The following CPAMD8 variants were observed in gnomAD, a reference collection of about 807,000 sequenced individuals.
CPAMD8 encodes the protein C3 and PZP-like alpha-2-macroglobulin domain-containing protein 8.
In CPAMD8, 146 loss-of-function variants were observed where a neutral mutation model predicts 224.7. The observed-to-expected ratio is 0.65, with a 90% CI of 0.57 to 0.75. CPAMD8 has a LOEUF of 0.75. CPAMD8 is among the 30% of genes least tolerant of loss of function. The pLI is 0.00. For synonymous variants in CPAMD8, 966 were observed against 1,044.6 expected (o/e 0.92, Z 1.45); for missense variants, 2,301 against 2,537.5 (o/e 0.91, Z 2.00).
At chr19:16,951,247 C>G (rs1252215680) in intron 20 of CPAMD8, among the ~76,000 whole-genome samples, 1 of 152,114 alleles carries the variant, frequency 6.6e-6, no homozygotes, top group Non-Finnish European at 1.5e-5. Context: ...ACCAGGATTT[C>G]CTGGTACTTT....
At position 16,898,035 on chromosome 19, in the gene CPAMD8, A is replaced by T. The variant is rs748001070; in HGVS notation, c.4849-41T>A. 1.4e-6 allele frequency: 2 copies of T among 1,477,626 alleles called. No homozygotes were observed. The highest frequency in any genetic ancestry group is 1.8e-6 in the Non-Finnish European group (2 of 1,082,978). 91.5% of individuals were successfully genotyped at this position (1,477,626 alleles called of 1,614,324 possible). A position where few individuals can be genotyped will look rare whatever the true frequency, so the allele number is the denominator to read the frequency against. ...GGGCGCAGGCTCGACCCGGGCCAGGAGGCCCGGGGCGCTGAGCTCAGGCCC... is the reference window on the plus strand; with the variant it reads ...GGGCGCAGGCTCGACCCGGGCCAGGTGGCCCGGGGCGCTGAGCTCAGGCCC... On this transcript the variant is annotated intron_variant, in intron 37 of 41. Transcript: ENST00000443236. The surrounding 1 kb of genome is among the most constrained non-coding windows in gnomAD (Gnocchi z 4.2).
At chr19:16,920,404 C>A (rs1342944692) in intron 27 of CPAMD8, among the ~76,000 whole-genome samples, 1 of 151,682 alleles carries the variant, frequency 6.6e-6, no homozygotes, top group Non-Finnish European at 1.5e-5. Flanking sequence ...GGCGTGAACC[C>A]AGGGGGCGGA....
intron 3 of CPAMD8, among the ~76,000 whole-genome samples, chr19:17,018,926 A>G (rs897332620): frequency 6.6e-6 from 1 of 151,466 alleles, no homozygotes; most frequent in African/African-American, 2.4e-5. Flanking sequence ...AAAAGAAAAA[A>G]AAAACCACTG....
At chr19:17,013,983 CCTA>C (rs145442042) in intron 3 of CPAMD8, among the ~76,000 whole-genome samples, 24,296 of 145,662 alleles carry the variant, frequency 0.17, 2,670 homozygotes, top group South Asian at 0.34. Context: ...TTCCATCCTT[CCTA>C]CACTACACAT....
chr19:16,958,918 G>A (rs2054560396), intron 18 of CPAMD8, among the ~76,000 whole-genome samples: 2 of 150,800 alleles, frequency 1.3e-5, no homozygotes, highest in Admixed American at 1.3e-4. Flanking sequence ...TCCAGCCTCA[G>A]CCTCCCGAGT....
At chr19:16,896,691 AC>A (rs776490520) in intron 39 of CPAMD8, 26 bp from the exon 40 acceptor site, 17 of 1,373,628 alleles carry the variant, frequency 1.2e-5, no homozygotes, top group Admixed American at 5.9e-5. Flanking sequence ...GGCTCGACAG[AC>A]CCCCCACCCT....
chr19:16,946,101 ATG>A (rs889543093), intron 21 of CPAMD8, among the ~76,000 whole-genome samples: 2 of 150,776 alleles, frequency 1.3e-5, no homozygotes, highest in Non-Finnish European at 3.0e-5. Context: ...GCATGTGTGT[ATG>A]TGTGTGCATG....
Position 16,976,819 on chromosome 19 carries a change from A to C in CPAMD8, c.1758+549T>G, listed in dbSNP as rs146788975. 9.8e-4 allele frequency among the ~76,000 whole-genome samples: 149 copies of C among 152,116 alleles called. 3 individuals carry two copies. The highest frequency in any genetic ancestry group is 3.5e-3 in the African/African-American group (147 of 41,410). The stretch of plus-strand genomic sequence containing the variant: ...CACTTCGGGAGGCTGAAGCATGTGG[A>C]TCACTTGAGGCCAGGAGTTCAAGAC... On this transcript the variant is annotated intron_variant, in intron 15 of 41. Transcript: ENST00000443236.
chr19:17,000,803 C>T (rs142411062), intron 9 of CPAMD8, among the ~76,000 whole-genome samples: 37 of 152,328 alleles, frequency 2.4e-4, no homozygotes, highest in Middle Eastern at 3.4e-3. Context: ...GTTGGTGCCA[C>T]CTCTGGAGCA....
At chr19:16,929,421 G>A (rs1034969447) in intron 23 of CPAMD8, among the ~76,000 whole-genome samples, 181 bp from the exon 24 acceptor site, 4 of 152,220 alleles carry the variant, frequency 2.6e-5, no homozygotes, top group Non-Finnish European at 4.4e-5. Flanking sequence ...AAGATAAAAT[G>A]GGACTGGGCA....
At chr19:16,920,023 G>A (rs574083507) in intron 27 of CPAMD8, among the ~76,000 whole-genome samples, 1 of 152,324 alleles carries the variant, frequency 6.6e-6, no homozygotes, top group Admixed American at 6.5e-5. Flanking sequence ...ACAGAGCTGA[G>A]GTTTGTCCAG....
intron 12 of CPAMD8, among the ~76,000 whole-genome samples, chr19:16,992,316 T>C (rs1160382864): frequency 6.6e-6 from 1 of 152,152 alleles, no homozygotes; most frequent in East Asian, 1.9e-4. Flanking sequence ...AGGCCAGACA[T>C]GGCAGCTCAT....
At position 16,970,981 on chromosome 19, in the gene CPAMD8, T is replaced by C. The variant is rs1449521768; in HGVS notation, c.2123A>G (p.Asp708Gly). 6.2e-7 allele frequency: 1 copy of C among 1,613,048 alleles called. No homozygotes were observed. Among genetic ancestry groups the C allele is most frequent in the Non-Finnish European group, 8.5e-7 (1 of 1,179,402 alleles). ...TDRVSLNHRQDGGLYTDEAVP... is the reference protein window; with the variant it reads ...TDRVSLNHRQGGGLYTDEAVP... ...AGCCTCATCGGTGTAGAGGCCACCG[T>C]CCTGCCGGTGGTTCAGGCTCACTCG... The change falls in exon 18 of 42, where the codon GAC (aspartate) becomes GGC (glycine). Residue 708 changes from aspartate (D) to glycine (G), a missense_variant. Asp to Gly is a moderately conservative substitution (Grantham distance 94, BLOSUM62 -1). Coordinates refer to ENST00000443236, the MANE Select transcript of CPAMD8 (RefSeq NM_015692.5).
intron 18 of CPAMD8, among the ~76,000 whole-genome samples, chr19:16,969,873 C>CAAAAAAAAAAAA (rs768905816): frequency 1.4e-5 from 1 of 69,832 alleles, no homozygotes; most frequent in African/African-American, 5.8e-5. Context: ...GGCTCCATCT[C>CAAAAAAAAAAAA]AAAAAAAAAA....
chr19:16,905,703 T>A (rs1321948980), intron 30 of CPAMD8, among the ~76,000 whole-genome samples: 5 of 152,134 alleles, frequency 3.3e-5, no homozygotes, highest in Non-Finnish European at 7.3e-5. Flanking sequence ...TTAAACTTTT[T>A]TCTTTCGGAA....
intron 23 of CPAMD8, among the ~76,000 whole-genome samples, chr19:16,934,169 T>C (rs1256562526): frequency 6.6e-6 from 1 of 152,136 alleles, no homozygotes; most frequent in African/African-American, 2.4e-5. Context: ...TCCCTAGTGA[T>C]GGAGTAAACA....
rs1410505265 is a variant in CPAMD8, at chr19:16,896,359, T to A, written c.5276-33A>T. ...GAAGGGGGCCTCGGTCGGGAGGGCG[T>A]GGCGGGGAGGGGACCCAAGGGCCGA... On this transcript the variant is annotated intron_variant, in intron 40 of 41. Coordinates refer to ENST00000443236, the MANE Select transcript of CPAMD8 (RefSeq NM_015692.5). 5 of 1,560,990 alleles carry A rather than the reference T, an allele frequency of 3.2e-6. No homozygotes were observed. The South Asian group carries it at 4.7e-5, about 15-fold the overall frequency.
chr19:16,902,636 C>G lies in CPAMD8; in HGVS notation c.4685+13G>C, dbSNP rs772591976. Reference sequence around the variant, plus strand: ...TCCTGGGATGCCCACGCCAGCAGGGCAGGTGGCCTTACCTGGTGCACACCT... The same window carrying G: ...TCCTGGGATGCCCACGCCAGCAGGGGAGGTGGCCTTACCTGGTGCACACCT... On this transcript the variant is annotated intron_variant, in intron 35 of 41. Transcript: ENST00000443236. The G allele has an allele frequency of 1.9e-6, 3 of 1,568,774 alleles. No individual in the cohort carries two copies. The highest frequency in any genetic ancestry group is 2.6e-6 in the Non-Finnish European group (3 of 1,146,204).
intron 26 of CPAMD8, among the ~76,000 whole-genome samples, chr19:16,922,944 T>C (rs775030511): frequency 6.6e-6 from 1 of 152,248 alleles, no homozygotes; most frequent in East Asian, 1.9e-4. Context: ...TCGTGACTAC[T>C]GGTCACACAC....
Sources: allele counts gnomAD v4.1 joint callset (sites outside exome capture counted in the v4.1 genomes callset), GRCh38; gene constraint gnomAD v4.1.1; non-coding constraint Gnocchi (gnomAD v3.1); transcripts MANE v1.5; gene names NCBI Gene and HGNC (gene_info 2026-07-23, HGNC 2026-07-21).